The following CLYBL variants were observed in gnomAD, a reference collection of about 807,000 sequenced individuals.
The protein encoded by CLYBL is citramalyl-CoA lyase.
A neutral mutation model predicts 38.9 loss-of-function variants in CLYBL; 31 were observed. The ratio of observed to expected loss-of-function variants is 0.80; its 90% CI spans 0.60 to 1.08. The LOEUF is 1.08. Among genes scored for constraint, CLYBL ranks in the 50% least tolerant of loss-of-function variants. CLYBL has a pLI of 0.00. For missense variants in CLYBL, 434 were observed against 411.6 expected, an observed-to-expected ratio of 1.05 and a Z score of -0.47; for synonymous variants, 171 against 158.6, an observed-to-expected ratio of 1.08 and a Z score of -0.59.
At chr13:99,777,917 C>G (rs1407454892) in intron 2 of CLYBL, among the ~76,000 whole-genome samples, 1 of 152,206 alleles carries the variant, frequency 6.6e-6, no homozygotes, top group Non-Finnish European at 1.5e-5. Context: ...ATAGCAGAAC[C>G]AAGATTTGAG....
At chr13:99,784,996 A>G (rs1215272561) in intron 2 of CLYBL, among the ~76,000 whole-genome samples, 1 of 151,440 alleles carries the variant, frequency 6.6e-6, no homozygotes, top group Non-Finnish European at 1.5e-5. Flanking sequence ...GGTTCAAGTG[A>G]TTCTCCTGTC....
intron 2 of CLYBL, among the ~76,000 whole-genome samples, chr13:99,799,666 A>G (rs964030022): frequency 6.6e-6 from 1 of 152,230 alleles, no homozygotes; most frequent in Non-Finnish European, 1.5e-5. Flanking sequence ...GAGGAAGGTA[A>G]TTGTGTTGGA....
chr13:99,805,535 C>T (rs1357164768), intron 2 of CLYBL, among the ~76,000 whole-genome samples: 5 of 151,082 alleles, frequency 3.3e-5, no homozygotes, highest in South Asian at 2.1e-4. Flanking sequence ...CCAGTGTGCC[C>T]GGTTGCTCCC....
At position 99,865,263 on chromosome 13, in the gene CLYBL, A is replaced by C; in HGVS notation, c.634+352A>C. On this transcript the variant is annotated intron_variant, in intron 5 of 8. Transcript: ENST00000339105. This position sits in a 1 kb window ranked among gnomAD's most constrained non-coding sequence, Gnocchi z 4.7. ...ACCGTTGCTTCAGTATTTTGTTTTC[A>C]TATCAGTCTGTGGGCTGTCTAGATT... 9.0e-6 allele frequency: 3 copies of C among 334,082 alleles called. No individual in the cohort carries two copies. Among genetic ancestry groups the C allele is most frequent in the South Asian group, 5.2e-5 (2 of 38,552 alleles). The allele number at this position is 334,082 out of a possible 1,614,324, so 20.7% of individuals were successfully genotyped here. A position where few individuals can be genotyped will look rare whatever the true frequency, so the allele number is the denominator to read the frequency against.
At chr13:99,889,473 C>G (rs1216501850) in intron 7 of CLYBL, among the ~76,000 whole-genome samples, 2 of 152,092 alleles carry the variant, frequency 1.3e-5, no homozygotes, top group Admixed American at 6.6e-5. Flanking sequence ...CTCCTGGTCA[C>G]AGAGGTGACC....
chr13:99,790,490 G>T (rs145367831), intron 2 of CLYBL, among the ~76,000 whole-genome samples: 258 of 152,202 alleles, frequency 1.7e-3, no homozygotes, highest in African/African-American at 5.5e-3. Context: ...TGAAATTCTG[G>T]GTTGAAAATT....
At chr13:99,845,349 G>A (rs1189205894) in intron 2 of CLYBL, among the ~76,000 whole-genome samples, 2 of 152,166 alleles carry the variant, frequency 1.3e-5, no homozygotes, top group Admixed American at 6.5e-5. Context: ...CAGGGCGCCT[G>A]GCTCAACGGC....
chr13:99,612,252 C>G, intron 1 of CLYBL, among the ~76,000 whole-genome samples: 1 of 151,656 alleles, frequency 6.6e-6, no homozygotes, highest in Non-Finnish European at 1.5e-5. Context: ...ATCGATTTTT[C>G]TCTTTTTTTT....
chr13:99,803,984 G>A (rs1242691682), intron 2 of CLYBL, among the ~76,000 whole-genome samples: 1 of 152,164 alleles, frequency 6.6e-6, no homozygotes, highest in Non-Finnish European at 1.5e-5. Flanking sequence ...AGAAACAGCG[G>A]AAGATGCTGA....
intron 7 of CLYBL, among the ~76,000 whole-genome samples, chr13:99,881,567 T>A (rs1399009021): frequency 6.6e-6 from 1 of 151,368 alleles, no homozygotes; most frequent in African/African-American, 2.4e-5. Flanking sequence ...GGACCACAGG[T>A]GCGTGTCACC....
chr13:99,778,814 CA>C lies in CLYBL; in HGVS notation c.249+5806del, dbSNP rs140329783. On this transcript the variant is annotated intron_variant, in intron 2 of 8. Coordinates refer to ENST00000339105, the MANE Select transcript of CLYBL (RefSeq NM_206808.5). ...GTAACTCCATGACACTGGGTGAGGCCAAGAAAGTAGGCACTGAGGAGGAAGA... is the reference window on the plus strand; with the variant it reads ...GTAACTCCATGACACTGGGTGAGGCCAGAAAGTAGGCACTGAGGAGGAAGA... 5.2e-3 allele frequency among the ~76,000 whole-genome samples: 795 copies of C among 152,248 alleles called. 47 individuals carry two copies. In the East Asian group the frequency reaches 0.13, roughly 24 times the overall value.
At chr13:99,822,337 T>C (rs1045463556) in intron 2 of CLYBL, among the ~76,000 whole-genome samples, 1 of 152,188 alleles carries the variant, frequency 6.6e-6, no homozygotes, top group Non-Finnish European at 1.5e-5. Flanking sequence ...CAAAACAGCA[T>C]GACTGGTGGC....
intron 2 of CLYBL, among the ~76,000 whole-genome samples, chr13:99,857,268 T>C (rs2051481847): frequency 6.6e-6 from 1 of 152,008 alleles, no homozygotes; most frequent in Admixed American, 6.5e-5. Context: ...TGAGCCGAGA[T>C]TGCGCCACTG....
intron 2 of CLYBL, among the ~76,000 whole-genome samples, chr13:99,808,466 C>T (rs981905060): frequency 4.7e-5 from 7 of 150,230 alleles, no homozygotes; most frequent in East Asian, 3.9e-4. Context: ...CTTTAGTCAC[C>T]GGAGATAATA....
At chr13:99,841,841 G>A (rs1594215306) in intron 2 of CLYBL, among the ~76,000 whole-genome samples, 1 of 136,572 alleles carries the variant, frequency 7.3e-6, no homozygotes, top group Admixed American at 7.7e-5. Flanking sequence ...TCTGAGACAG[G>A]GTCTCACTTT....
chr13:99,660,052 TC>T (rs1344977884), intron 1 of CLYBL, among the ~76,000 whole-genome samples: 1 of 152,166 alleles, frequency 6.6e-6, no homozygotes, highest in Non-Finnish European at 1.5e-5. Flanking sequence ...TGTTTGAGCT[TC>T]TTAGAGAAAA....
chr13:99,737,642 A>G (rs2048689226), intron 1 of CLYBL, among the ~76,000 whole-genome samples: 1 of 152,174 alleles, frequency 6.6e-6, no homozygotes, highest in African/African-American at 2.4e-5. Flanking sequence ...TCATGTGCGC[A>G]AGAGTGTTGT....
chr13:99,765,991 A>G (rs2049261853), intron 1 of CLYBL, among the ~76,000 whole-genome samples: 1 of 151,832 alleles, frequency 6.6e-6, no homozygotes, highest in South Asian at 2.1e-4. Context: ...GGCTGGAACT[A>G]CAGGCATGCA....
At chr13:99,783,823 A>T (rs973742421) in intron 2 of CLYBL, 1 of 152,108 alleles carries the variant, frequency 6.6e-6, no homozygotes, top group African/African-American at 2.4e-5. Context: ...ATCAACAATC[A>T]TGGATTATTA....
Sources: allele counts gnomAD v4.1 joint callset (sites outside exome capture counted in the v4.1 genomes callset), GRCh38; gene constraint gnomAD v4.1.1; non-coding constraint Gnocchi (gnomAD v3.1); transcripts MANE v1.5; gene names NCBI Gene and HGNC (gene_info 2026-07-23, HGNC 2026-07-21).